PARVG: variants seen among roughly 807,000 people sequenced by gnomAD.
PARVG encodes gamma-parvin.
A neutral mutation model predicts 44.4 loss-of-function variants in PARVG; 36 were observed. The ratio of observed to expected loss-of-function variants is 0.81; its 90% confidence interval spans 0.62 to 1.07. The LOEUF (loss-of-function observed/expected upper bound fraction) is 1.07, where lower values mean the gene tolerates loss of function less well. Among genes scored for constraint, PARVG ranks in the 50% least tolerant of loss-of-function variants. The pLI is 0.00. For synonymous variants in PARVG, 170 were observed against 174.1 expected (o/e 0.98, Z 0.19); for missense variants, 407 against 407.4 (o/e 1.00, Z 0.01).
At chr22:44,181,398 G>A (rs2054374268) in intron 1 of PARVG, 1 of 985,484 alleles carries the variant, frequency 1.0e-6, no homozygotes, top group African/African-American at 1.7e-5. Context: ...GGTCCCGGGA[G>A]AGGAAGGGGC....
intron 3 of PARVG, chr22:44,184,797 A>T (rs1337059736): frequency 6.6e-6 from 1 of 152,206 alleles, no homozygotes; most frequent in Non-Finnish European, 1.5e-5. Flanking sequence ...AACATTGAAG[A>T]TTAGAAAGTG....
chr22:44,201,839 C>A (rs2054714104), intron 12 of PARVG, among the ~76,000 whole-genome samples: 1 of 152,234 alleles, frequency 6.6e-6, no homozygotes, highest in Non-Finnish European at 1.5e-5. Context: ...TGCCATGTTC[C>A]TTCTGGGACC....
upstream of PARVG, among the ~76,000 whole-genome samples, chr22:44,176,132 G>A (rs981802483): frequency 5.9e-5 from 9 of 152,166 alleles, no homozygotes; most frequent in African/African-American, 9.7e-5. Context: ...ACACTGTGCC[G>A]GAAAGCAGGG....
rs147178009 is a variant in PARVG at position 44,208,245 on chromosome 22, C to A, written c.*1819C>A. 34 of 152,312 alleles carry A rather than the reference C, an allele frequency of 2.2e-4. No individual in the cohort carries two copies. Among genetic ancestry groups the A allele is most frequent in the African/African-American group, 8.2e-4 (34 of 41,562 alleles). 9.4% of individuals were successfully genotyped at this position (152,312 alleles called of 1,614,324 possible). ...TGTAGCTTTATTGAAAAATAACTTC[C>A]CAGTTTGAAGTGTACAATTTGATGA... On this transcript the variant is annotated 3_prime_UTR_variant, in exon 14 of 14. Transcript: ENST00000444313.
intron 2 of PARVG, chr22:44,183,099 T>G (rs2147218378): frequency 1.9e-6 from 1 of 523,296 alleles, no homozygotes; most frequent in Non-Finnish European, 3.3e-6. Flanking sequence ...GTGCCCGCCC[T>G]CAGCTTCTGT....
chr22:44,194,697 C>T (rs1387411953), intron 9 of PARVG, among the ~76,000 whole-genome samples: 1 of 151,106 alleles, frequency 6.6e-6, no homozygotes, highest in African/African-American at 2.4e-5. Flanking sequence ...CATCCACCCA[C>T]CCACCTATCC....
At chr22:44,196,532 A>T in intron 11 of PARVG, 117 bp downstream of exon 11, 1 of 1,237,206 alleles carries the variant, frequency 8.1e-7, no homozygotes, top group South Asian at 1.3e-5. Flanking sequence ...CACCTCTTGG[A>T]GCCTTAGGGT....
chr22:44,186,476 T>C (rs987840275), intron 4 of PARVG: 8 of 449,924 alleles, frequency 1.8e-5, no homozygotes, highest in Admixed American at 1.4e-4. Flanking sequence ...GGAGGCCTCC[T>C]GGCCTACACC....
intron 8 of PARVG, 67 bp from the exon 9 acceptor site, chr22:44,193,734 A>G: frequency 6.3e-7 from 1 of 1,590,530 alleles, no homozygotes; most frequent in South Asian, 1.2e-5. Flanking sequence ...TGTCATATTG[A>G]GAAATTGTAG....
chr22:44,189,015 C>T (rs1021991636), intron 5 of PARVG, 99 bp from the exon 6 acceptor site: 2 of 1,510,816 alleles, frequency 1.3e-6, no homozygotes, highest in Non-Finnish European at 1.8e-6. Context: ...GACCCATGTT[C>T]CCTGAAGCAC....
At chr22:44,174,839 C>T (rs921251031) in intron 1 of PARVG, among the ~76,000 whole-genome samples, 1 of 151,746 alleles carries the variant, frequency 6.6e-6, no homozygotes, top group Non-Finnish European at 1.5e-5. Context: ...ATATAACTGC[C>T]GTCCGGGCAC....
upstream of PARVG, among the ~76,000 whole-genome samples, chr22:44,180,043 C>T (rs552232701): frequency 6.6e-6 from 1 of 152,310 alleles, no homozygotes; most frequent in African/African-American, 2.4e-5. Context: ...GACTTCTTTT[C>T]TCTGGCTTCT....
chr22:44,185,985 G>A (rs1276504336), intron 4 of PARVG, 113 bp downstream of exon 4: 2 of 972,810 alleles, frequency 2.1e-6, no homozygotes, highest in Non-Finnish European at 3.1e-6. Flanking sequence ...TCAGGCTGGG[G>A]GGTGGCGACC....
intron 5 of PARVG, 89 bp from the exon 6 acceptor site, chr22:44,189,025 C>T: frequency 6.4e-7 from 1 of 1,553,134 alleles, no homozygotes; most frequent in Non-Finnish European, 8.8e-7. Context: ...CCCTGAAGCA[C>T]CAGGCAGGCT....
chr22:44,177,965 T>C (rs2054334681), upstream of PARVG, among the ~76,000 whole-genome samples: 1 of 152,204 alleles, frequency 6.6e-6, no homozygotes, highest in Admixed American at 6.5e-5. Context: ...GAGGAAAGAA[T>C]TTTCACTTTT....
intron 7 of PARVG, 138 bp from the exon 8 acceptor site, chr22:44,191,911 A>G: frequency 1.0e-6 from 1 of 961,042 alleles, no homozygotes; most frequent in Non-Finnish European, 1.6e-6. Context: ...CCCAACCTCA[A>G]GACTCCTGGG....
chr22:44,181,656 G>A (rs560600249), intron 1 of PARVG, 86 bp from the exon 2 acceptor site: 1 of 957,578 alleles, frequency 1.0e-6, no homozygotes, highest in Admixed American at 6.2e-5. Context: ...GCGGCACGGC[G>A]GGCGCTGGGG....
chr22:44,180,469 T>C (rs1926119272), upstream of PARVG, among the ~76,000 whole-genome samples: 2 of 152,144 alleles, frequency 1.3e-5, 1 homozygote, highest in South Asian at 4.1e-4. Flanking sequence ...CCAGAACCAC[T>C]GTGTCCAGAG....
chr22:44,175,408 C>T (rs984610735), intron 1 of PARVG, among the ~76,000 whole-genome samples: 5 of 152,228 alleles, frequency 3.3e-5, no homozygotes, highest in Admixed American at 3.3e-4. Context: ...CTTACCCAGG[C>T]AGGAATCCCC....
Sources: allele counts gnomAD v4.1 joint callset (sites outside exome capture counted in the v4.1 genomes callset), GRCh38; gene constraint gnomAD v4.1.1; transcripts MANE v1.5; gene names NCBI Gene and HGNC (gene_info 2026-07-23, HGNC 2026-07-21).